Variants in EFNA5 observed in about 807,000 individuals in gnomAD.
EFNA5 encodes ephrin A5, also known as ephrin-A5.
EFNA5 carries 5 observed loss-of-function variants against 22.9 expected under a neutral mutation model. That is an observed-to-expected ratio of 0.22 (90% CI 0.11 to 0.46). The LOEUF is 0.46. Ranked by LOEUF, EFNA5 falls within the 20% of genes least tolerant of loss-of-function variation. EFNA5 has a pLI of 0.99. For synonymous variants in EFNA5, 113 were observed against 112.2 expected (o/e 1.01, Z -0.04); for missense variants, 237 against 293.3 (o/e 0.81, Z 1.40).
chr5:107,389,492 A>C (rs1747728193), intron 2 of EFNA5, among the ~76,000 whole-genome samples: 1 of 152,234 alleles, frequency 6.6e-6, no homozygotes, highest in South Asian at 2.1e-4. Flanking sequence ...CTGAGCTGAG[A>C]TGAACTCACT....
intron 1 of EFNA5, among the ~76,000 whole-genome samples, chr5:107,435,315 C>CTTTTTTTT (rs3999107): frequency 0.014 from 1,491 of 104,122 alleles, 6 homozygotes; most frequent in Non-Finnish European, 0.018. Flanking sequence ...TGAAGATGCT[C>CTTTTTTTT]TTTTTTTTTT....
At chr5:107,473,709 G>T (rs1004524870) in intron 1 of EFNA5, among the ~76,000 whole-genome samples, 2 of 150,570 alleles carry the variant, frequency 1.3e-5, no homozygotes, top group Non-Finnish European at 2.9e-5. Flanking sequence ...GCCCAAGCTG[G>T]AGTGCAAATG....
At chr5:107,559,180 C>T (rs1748482332) in intron 1 of EFNA5, among the ~76,000 whole-genome samples, 1 of 152,180 alleles carries the variant, frequency 6.6e-6, no homozygotes, top group South Asian at 2.1e-4. Context: ...ACCCTGGCCC[C>T]TCCCATCACC....
intron 1 of EFNA5, among the ~76,000 whole-genome samples, chr5:107,524,446 GCAA>G (rs1362177160): frequency 6.6e-6 from 1 of 152,310 alleles, no homozygotes; most frequent in East Asian, 1.9e-4. Context: ...TGTTAAAAAT[GCAA>G]CAACAGCTTC....
intron 1 of EFNA5, among the ~76,000 whole-genome samples, chr5:107,567,752 G>A (rs1237218372): frequency 2.0e-5 from 3 of 152,238 alleles, no homozygotes; most frequent in Non-Finnish European, 2.9e-5. Flanking sequence ...AACCTAGGTG[G>A]AGGTCTATAT....
At chr5:107,411,871 C>T (rs1311495789) in intron 2 of EFNA5, among the ~76,000 whole-genome samples, 1 of 152,196 alleles carries the variant, frequency 6.6e-6, no homozygotes, top group Non-Finnish European at 1.5e-5. Context: ...ACATACTTGG[C>T]TCTTTTTGTT....
At chr5:107,432,208 C>G (rs752858303) in intron 1 of EFNA5, among the ~76,000 whole-genome samples, 1 of 152,204 alleles carries the variant, frequency 6.6e-6, no homozygotes, top group Non-Finnish European at 1.5e-5. Context: ...GCTCCTGACT[C>G]ATCCTTTCAC....
At chr5:107,401,425 G>A (rs1748081495) in intron 2 of EFNA5, among the ~76,000 whole-genome samples, 2 of 152,162 alleles carry the variant, frequency 1.3e-5, no homozygotes, top group Middle Eastern at 3.4e-3. Context: ...CCCTTATTTG[G>A]TGTAACTCAT....
intron 1 of EFNA5, among the ~76,000 whole-genome samples, chr5:107,609,826 T>C (rs1262179441): frequency 6.6e-6 from 1 of 152,184 alleles, no homozygotes; most frequent in Non-Finnish European, 1.5e-5. Flanking sequence ...TAGAATAAGA[T>C]GACTGAATGG....
intron 1 of EFNA5, among the ~76,000 whole-genome samples, chr5:107,494,748 G>A (rs775565682): frequency 6.6e-6 from 1 of 152,184 alleles, no homozygotes; most frequent in Non-Finnish European, 1.5e-5. Context: ...AGCTACTCTG[G>A]TGGGGCCTTG....
At position 107,475,586 on chromosome 5, in the gene EFNA5, A is replaced by T. The variant is rs571828453; in HGVS notation, c.126-48077T>A. On this transcript the variant is annotated intron_variant, in intron 1 of 4. Transcript: ENST00000333274. ...TAGCACAATATTTTCAAAGTGCTTC[A>T]GAAGTTATTTCAATCTGCTGCATTG... Among the ~76,000 whole-genome samples, 7 of 152,326 alleles carry T rather than the reference A, an allele frequency of 4.6e-5. No individual in the cohort carries two copies. The South Asian group carries it at 1.5e-3, about 32-fold the overall frequency.
chr5:107,578,240 C>T (rs1203766848), intron 1 of EFNA5, among the ~76,000 whole-genome samples: 1 of 152,126 alleles, frequency 6.6e-6, no homozygotes, highest in East Asian at 1.9e-4. Context: ...AAGCAAAGCA[C>T]CACGTAATTA....
chr5:107,423,710 C>T (rs186133543), intron 2 of EFNA5, among the ~76,000 whole-genome samples: 1 of 152,216 alleles, frequency 6.6e-6, no homozygotes, highest in Non-Finnish European at 1.5e-5. Context: ...CAAAATAACT[C>T]CTGTAGATTA....
intron 1 of EFNA5, among the ~76,000 whole-genome samples, chr5:107,460,365 GCTGA>G (rs1004913907): frequency 3.3e-5 from 5 of 152,086 alleles, no homozygotes; most frequent in African/African-American, 1.2e-4. Flanking sequence ...ATTATTGCCT[GCTGA>G]CTATTTCTGC....
intron 1 of EFNA5, among the ~76,000 whole-genome samples, chr5:107,486,505 A>T (rs926034708): frequency 1.3e-5 from 2 of 152,230 alleles, no homozygotes; most frequent in Admixed American, 6.5e-5. Flanking sequence ...GCTATAAAAG[A>T]TAAAAGAAAG....
At chr5:107,553,164 C>A (rs902307547) in intron 1 of EFNA5, among the ~76,000 whole-genome samples, 1 of 152,148 alleles carries the variant, frequency 6.6e-6, no homozygotes, top group Non-Finnish European at 1.5e-5. Context: ...CCACTAAACA[C>A]CCTGGAACTT....
chr5:107,591,910 TA>T (rs1234808803), intron 1 of EFNA5, among the ~76,000 whole-genome samples: 1 of 10,712 alleles, frequency 9.3e-5, no homozygotes, highest in East Asian at 3.3e-3. Flanking sequence ...ATATATAATA[TA>T]AAAAATATAT....
chr5:107,481,317 T>C (rs1471136757), intron 1 of EFNA5, among the ~76,000 whole-genome samples: 1 of 152,140 alleles, frequency 6.6e-6, no homozygotes, highest in Non-Finnish European at 1.5e-5. Context: ...CGATTTGACA[T>C]TTCTGTGACT....
chr5:107,511,570 G>C (rs563196097), intron 1 of EFNA5, among the ~76,000 whole-genome samples: 20 of 152,120 alleles, frequency 1.3e-4, no homozygotes, highest in African/African-American at 4.3e-4. Context: ...TCTATATTTT[G>C]CTATTGTGAC....
Sources: gnomAD v4.1 joint callset for allele counts (sites outside exome capture counted in the v4.1 genomes callset) on GRCh38, gnomAD v4.1.1 for gene constraint, MANE v1.5 for transcripts, NCBI Gene and HGNC (gene_info 2026-07-23, HGNC 2026-07-21) for gene names.